Variants in BZW2 observed in about 807,000 individuals in gnomAD.
BZW2 encodes the protein eIF5-mimic protein 1.
A neutral mutation model predicts 53.2 loss-of-function variants in BZW2; 23 were observed. That is an observed-to-expected ratio of 0.43 (90% CI 0.31 to 0.61). The LOEUF is 0.61. BZW2 is among the 20% of genes least tolerant of loss of function. The pLI, the probability that BZW2 is intolerant of heterozygous loss-of-function variation, is 0.09. For missense variants in BZW2, 409 were observed against 503.1 expected, an observed-to-expected ratio of 0.81 and a Z score of 1.79; for synonymous variants, 227 against 186.4, an observed-to-expected ratio of 1.22 and a Z score of -1.77.
At chr7:16,697,170 A>G in intron 9 of BZW2, 109 bp downstream of exon 9, 1 of 1,305,272 alleles carries the variant, frequency 7.7e-7, no homozygotes, top group Non-Finnish European at 1.0e-6. Flanking sequence ...GCTCACTGCA[A>G]CTTTGAACTC....
At chr7:16,705,137 A>G (rs1164795872) in intron 11 of BZW2, among the ~76,000 whole-genome samples, 1 of 152,030 alleles carries the variant, frequency 6.6e-6, no homozygotes, top group Non-Finnish European at 1.5e-5. Flanking sequence ...TGGGTGGATC[A>G]CCTGAGGTCA....
chr7:16,682,919 C>T (rs1300857769), intron 5 of BZW2, 74 bp downstream of exon 5: 14 of 1,026,490 alleles, frequency 1.4e-5, no homozygotes, highest in South Asian at 9.8e-5. Flanking sequence ...TATAAGTGGC[C>T]GGACACGGTG....
intron 11 of BZW2, among the ~76,000 whole-genome samples, chr7:16,705,832 TTG>T (rs1783837139): frequency 1.3e-5 from 2 of 151,420 alleles, no homozygotes; most frequent in South Asian, 4.1e-4. Flanking sequence ...TTATAGGTAT[TTG>T]TATATGTATG....
chr7:16,648,007 A>G (rs1289323598), intron 1 of BZW2, among the ~76,000 whole-genome samples: 1 of 152,216 alleles, frequency 6.6e-6, no homozygotes, highest in South Asian at 2.1e-4. Flanking sequence ...TGCTCTCTGA[A>G]TACATGACCA....
chr7:16,672,968 C>T lies in BZW2; in HGVS notation c.59-1444C>T, dbSNP rs188150683. Among the ~76,000 whole-genome samples the T allele has an allele frequency of 4.0e-4, 59 of 149,292 alleles. 1 individual carries two copies. The highest frequency in any genetic ancestry group is 1.4e-3 in the African/African-American group (54 of 39,744). ...ATCCACTTTCTTTTTTTTTTTGAAA[C>T]GGAGTCTCGCTCTGTCACCCAGGCT... On this transcript the variant is annotated intron_variant, in intron 2 of 11. Transcript: ENST00000258761.
At chr7:16,672,503 C>T (rs1321229084) in intron 2 of BZW2, among the ~76,000 whole-genome samples, 3 of 152,118 alleles carry the variant, frequency 2.0e-5, no homozygotes, top group Admixed American at 6.6e-5. Flanking sequence ...ATCCCTCCCA[C>T]TTCTGTTGCA....
At chr7:16,691,061 C>G (rs1783287560) in intron 7 of BZW2, among the ~76,000 whole-genome samples, 2 of 152,200 alleles carry the variant, frequency 1.3e-5, no homozygotes, top group Admixed American at 1.3e-4. Context: ...TAAATACTTG[C>G]AATTTAAATC....
chr7:16,692,493 T>A (rs1314410493), intron 7 of BZW2, among the ~76,000 whole-genome samples: 1 of 152,136 alleles, frequency 6.6e-6, no homozygotes, highest in Non-Finnish European at 1.5e-5. Context: ...CCAGGTGTGG[T>A]AGCTCACACC....
chr7:16,658,591 T>C (rs920872948), intron 1 of BZW2, among the ~76,000 whole-genome samples: 1 of 152,142 alleles, frequency 6.6e-6, no homozygotes, highest in Non-Finnish European at 1.5e-5. Flanking sequence ...AAAATATTGC[T>C]GTCGGCCAGG....
At chr7:16,665,632 T>C in intron 2 of BZW2, 131 bp downstream of exon 2, 1 of 1,434,424 alleles carries the variant, frequency 7.0e-7, no homozygotes, top group African/African-American at 1.4e-5. Flanking sequence ...GTGTAGAATC[T>C]GAAGTGCTTT....
intron 3 of BZW2, among the ~76,000 whole-genome samples, chr7:16,678,026 C>G (rs994036592): frequency 6.8e-5 from 10 of 148,148 alleles, no homozygotes; most frequent in African/African-American, 2.5e-4. Context: ...TACATAAATG[C>G]TTTGTTTAAT....
intron 3 of BZW2, among the ~76,000 whole-genome samples, chr7:16,676,116 T>G (rs906503751): frequency 6.6e-6 from 1 of 152,152 alleles, no homozygotes; most frequent in Non-Finnish European, 1.5e-5. Flanking sequence ...CTCATAAAAT[T>G]TTGAGACTGG....
intron 1 of BZW2, among the ~76,000 whole-genome samples, chr7:16,660,070 A>G (rs1782214687): frequency 6.7e-6 from 1 of 149,500 alleles, no homozygotes; most frequent in Non-Finnish European, 1.5e-5. Context: ...CCTATGAGTG[A>G]GAACATGCGG....
In BZW2 at chr7:16,706,276, A is replaced by G. The variant is rs1783856101; in HGVS notation, c.*188A>G. 3.3e-6 allele frequency: 2 copies of G among 612,998 alleles called. No individual in the cohort carries two copies. Among genetic ancestry groups the G allele is most frequent in the Non-Finnish European group, 2.8e-6 (1 of 355,886 alleles). 38.0% of individuals were successfully genotyped at this position (612,998 alleles called of 1,614,324 possible). A position where few individuals can be genotyped will look rare whatever the true frequency, so the allele number is the denominator to read the frequency against. On this transcript the variant is annotated 3_prime_UTR_variant, in exon 12 of 12. Transcript: ENST00000258761. ...TTTTTAAATGGAGCCCTGAGGCATCAGCTATTATACTTGGGACTCTACCTC... is the reference window on the plus strand; with the variant it reads ...TTTTTAAATGGAGCCCTGAGGCATCGGCTATTATACTTGGGACTCTACCTC...
intron 4 of BZW2, among the ~76,000 whole-genome samples, chr7:16,681,833 C>T (rs1456547330): frequency 6.6e-6 from 1 of 151,886 alleles, no homozygotes; most frequent in Non-Finnish European, 1.5e-5. Flanking sequence ...CATCTCAAAA[C>T]AAAACAAAAA....
intron 3 of BZW2, among the ~76,000 whole-genome samples, chr7:16,678,882 A>G (rs1782850502): frequency 6.6e-6 from 1 of 152,114 alleles, no homozygotes; most frequent in African/African-American, 2.4e-5. Context: ...AGCGATTTCC[A>G]AAGGGGAGAC....
At chr7:16,678,732 G>A (rs1026400625) in intron 3 of BZW2, among the ~76,000 whole-genome samples, 4 of 151,936 alleles carry the variant, frequency 2.6e-5, no homozygotes, top group South Asian at 2.1e-4. Flanking sequence ...ATATTTCAAC[G>A]TGGGTTCTTT....
chr7:16,669,824 A>G (rs1782544899), intron 2 of BZW2, among the ~76,000 whole-genome samples: 1 of 152,216 alleles, frequency 6.6e-6, no homozygotes, highest in African/African-American at 2.4e-5. Context: ...AGCACAGTTT[A>G]AATTGGAGAC....
intron 4 of BZW2, among the ~76,000 whole-genome samples, chr7:16,681,873 A>T (rs1463859639): frequency 1.3e-5 from 2 of 152,214 alleles, no homozygotes; most frequent in Admixed American, 1.3e-4. Context: ...CTTTTTTTTT[A>T]ACCTCTCTTG....
Sources: allele counts gnomAD v4.1 joint callset (sites outside exome capture counted in the v4.1 genomes callset), GRCh38; gene constraint gnomAD v4.1.1; transcripts MANE v1.5; gene names NCBI Gene and HGNC (gene_info 2026-07-23, HGNC 2026-07-21).